DAAM2: variants seen among roughly 807,000 people sequenced by gnomAD.
The protein encoded by DAAM2 is dishevelled associated activator of morphogenesis 2.
In DAAM2, 39 loss-of-function variants were observed where a neutral mutation model predicts 120.7. The ratio of observed to expected loss-of-function variants is 0.32; its 90% CI spans 0.25 to 0.42. DAAM2 has a LOEUF of 0.42. Among genes scored for constraint, DAAM2 ranks in the 10% least tolerant of loss-of-function variants. DAAM2 has a pLI of 1.00. For synonymous variants in DAAM2, 488 were observed against 524.9 expected (o/e 0.93, Z 0.96); for missense variants, 1,283 against 1,401.7 (o/e 0.92, Z 1.35).
Position 39,902,249 on chromosome 6 carries a change from T to G in DAAM2, c.*212T>G. 2 of 455,142 alleles carry G rather than the reference T, an allele frequency of 4.4e-6. No homozygotes were observed. Among genetic ancestry groups the G allele is most frequent in the Non-Finnish European group, 3.9e-6 (1 of 259,416 alleles). The allele number at this position is 455,142 out of a possible 1,614,324, so 28.2% of individuals were successfully genotyped here. A position where few individuals can be genotyped will look rare whatever the true frequency, so the allele number is the denominator to read the frequency against. On this transcript the variant is annotated 3_prime_UTR_variant, in exon 25 of 25. Transcript: ENST00000274867. ...TCTCCCCTTCACATGATTCCTTCTG[T>G]GCCCTGGCCCCAGGTATTATTCTGA...
intron 19 of DAAM2, among the ~76,000 whole-genome samples, chr6:39,896,193 C>CTTTTTTTCTTT (rs1766075695): frequency 1.1e-5 from 1 of 91,892 alleles, no homozygotes; most frequent in Non-Finnish European, 2.4e-5. Context: ...TCTGAATAAT[C>CTTTTTTTCTTT]TTTTTTTCTT....
At chr6:39,893,240 G>A (rs950294303) in intron 19 of DAAM2, among the ~76,000 whole-genome samples, 1 of 152,180 alleles carries the variant, frequency 6.6e-6, no homozygotes, top group African/African-American at 2.4e-5. Flanking sequence ...GTGGAGGCTG[G>A]GTGCGGTGGC....
chr6:39,793,577 A>C (rs1487366883), intron 1 of DAAM2, among the ~76,000 whole-genome samples: 1 of 152,140 alleles, frequency 6.6e-6, no homozygotes, highest in East Asian at 1.9e-4. Flanking sequence ...TGGGAATGAA[A>C]GCAGCTTCCC....
At chr6:39,835,033 G>A (rs1026616494) in intron 1 of DAAM2, among the ~76,000 whole-genome samples, 9 of 152,300 alleles carry the variant, frequency 5.9e-5, no homozygotes, top group Admixed American at 3.3e-4. Context: ...GTCACTGTGC[G>A]CTTCCCGCAT....
At chr6:39,865,633 C>G (rs938812717) in intron 5 of DAAM2, among the ~76,000 whole-genome samples, 1 of 152,180 alleles carries the variant, frequency 6.6e-6, no homozygotes, top group Non-Finnish European at 1.5e-5. Flanking sequence ...CAAAGTGGGG[C>G]TCCTTGTGTC....
chr6:39,845,791 A>G (rs1418500449), intron 1 of DAAM2, among the ~76,000 whole-genome samples: 2 of 151,014 alleles, frequency 1.3e-5, no homozygotes, highest in African/African-American at 4.9e-5. Flanking sequence ...CACAGCTCCC[A>G]TTCCTAGTCC....
At position 39,887,142 on chromosome 6, in the gene DAAM2, C is replaced by T. The variant is rs192150354; in HGVS notation, c.1954-344C>T. 41 of 194,646 alleles carry T rather than the reference C, an allele frequency of 2.1e-4. No homozygotes were observed. The East Asian group carries it at 5.5e-3, about 26-fold the overall frequency. The allele number at this position is 194,646 out of a possible 1,614,324, so 12.1% of individuals were successfully genotyped here. On this transcript the variant is annotated intron_variant, in intron 15 of 24. Coordinates refer to ENST00000274867, the MANE Select transcript of DAAM2 (RefSeq NM_001201427.2). ...AGTCATGGGAGGTTATGTCACATTGCCCAAAGCCACAGAGATCAGTCATAC... is the reference window on the plus strand; with the variant it reads ...AGTCATGGGAGGTTATGTCACATTGTCCAAAGCCACAGAGATCAGTCATAC...
At chr6:39,795,996 G>C (rs893573392) in intron 1 of DAAM2, among the ~76,000 whole-genome samples, 1 of 152,172 alleles carries the variant, frequency 6.6e-6, no homozygotes. Flanking sequence ...GAGTCAGAGA[G>C]CGGGTAGGCA....
At chr6:39,860,168 A>G (rs1035348060) in intron 2 of DAAM2, among the ~76,000 whole-genome samples, 3 of 152,150 alleles carry the variant, frequency 2.0e-5, no homozygotes, top group Non-Finnish European at 4.4e-5. Flanking sequence ...ACCCTAAAAT[A>G]CCTATGGAGT....
chr6:39,803,563 C>A (rs1761928640), intron 1 of DAAM2, among the ~76,000 whole-genome samples: 1 of 152,164 alleles, frequency 6.6e-6, no homozygotes, highest in Non-Finnish European at 1.5e-5. Context: ...GACTGAGGCT[C>A]AGATGAGGAA....
intron 22 of DAAM2, 81 bp downstream of exon 22, chr6:39,899,018 C>A (rs1766305146): frequency 2.0e-6 from 2 of 1,020,826 alleles, no homozygotes; most frequent in Admixed American, 2.5e-5. Flanking sequence ...AGCTCCTACA[C>A]AGGGGCAAAA....
intron 1 of DAAM2, among the ~76,000 whole-genome samples, chr6:39,824,472 G>A (rs1582625356): frequency 1.3e-5 from 2 of 152,178 alleles, no homozygotes; most frequent in Non-Finnish European, 2.9e-5. Context: ...ATCCCCTGTG[G>A]GGCGTTAGAG....
intron 1 of DAAM2, among the ~76,000 whole-genome samples, chr6:39,814,345 C>T (rs1762249203): frequency 6.6e-6 from 1 of 152,102 alleles, no homozygotes; most frequent in Admixed American, 6.5e-5. Context: ...AAACCTCAAC[C>T]TCCCAGCTCC....
chr6:39,878,164 T>A lies in DAAM2; in HGVS notation c.1302-39T>A. 1 of 1,609,028 alleles carries A rather than the reference T, an allele frequency of 6.2e-7. No homozygotes were observed. Among genetic ancestry groups the A allele is most frequent in the East Asian group, 2.2e-5 (1 of 44,852 alleles). On this transcript the variant is annotated intron_variant, in intron 11 of 24. Transcript: ENST00000274867. This position sits in a 1 kb window ranked among gnomAD's most constrained non-coding sequence, Gnocchi z 5.0. Reference sequence around the variant, plus strand: ...CTCCTGGGAAGCTGTGAATCAATGGTCAACAATCACATTGCCCCTTCCCTC... The same window carrying A: ...CTCCTGGGAAGCTGTGAATCAATGGACAACAATCACATTGCCCCTTCCCTC...
chr6:39,868,781 A>T (rs1764530662), intron 6 of DAAM2, 42 bp from the exon 7 acceptor site: 2 of 1,456,414 alleles, frequency 1.4e-6, no homozygotes, highest in Non-Finnish European at 1.9e-6. Flanking sequence ...CCTGTTGGGA[A>T]CTCAGCCCTC....
chr6:39,880,441 A>G (rs1465479034), intron 14 of DAAM2, among the ~76,000 whole-genome samples: 2 of 152,216 alleles, frequency 1.3e-5, no homozygotes, highest in African/African-American at 4.8e-5. Flanking sequence ...TAGCCTGTCA[A>G]TCTGAAGTCT....
chr6:39,901,610 G>A lies in DAAM2; in HGVS notation c.2982+138G>A. On this transcript the variant is annotated intron_variant, in intron 24 of 24. Coordinates refer to ENST00000274867, the MANE Select transcript of DAAM2 (RefSeq NM_001201427.2). This position sits in a 1 kb window ranked among gnomAD's most constrained non-coding sequence, Gnocchi z 4.5. ...CATAGGGGTTGGATGTCAGCCCCAG[G>A]AGAGAGAAACTTCTTCCCAGCCTGA... is the stretch of plus-strand genomic sequence containing the variant. The A allele has an allele frequency of 9.1e-7, 1 of 1,101,108 alleles. No homozygotes were observed. The highest frequency in any genetic ancestry group is 1.3e-6 in the Non-Finnish European group (1 of 791,348). 68.2% of individuals were successfully genotyped at this position (1,101,108 alleles called of 1,614,324 possible).
At chr6:39,853,228 T>C (rs541962225) in intron 1 of DAAM2, among the ~76,000 whole-genome samples, 1 of 152,262 alleles carries the variant, frequency 6.6e-6, no homozygotes, top group Admixed American at 6.5e-5. Context: ...AAGGCATCTT[T>C]TGGCAGAGAA....
At chr6:39,891,570 CGGGAGCTGGGGCT>C (rs1336889971) in intron 18 of DAAM2, 51 bp from the exon 19 acceptor site, 43 of 1,541,130 alleles carry the variant, frequency 2.8e-5, no homozygotes, top group Middle Eastern at 1.8e-4. Flanking sequence ...GAGCTGGCTC[CGGGAGCTGGGGCT>C]GGCCAGGATA....
Sources: allele counts gnomAD v4.1 joint callset (sites outside exome capture counted in the v4.1 genomes callset), GRCh38; gene constraint gnomAD v4.1.1; non-coding constraint Gnocchi (gnomAD v3.1); transcripts MANE v1.5; gene names NCBI Gene and HGNC (gene_info 2026-07-23, HGNC 2026-07-21).